RPSA2: variants seen among roughly 807,000 people sequenced by gnomAD.
RPSA2 encodes the protein small ribosomal subunit protein uS2B.
At chr19:23,823,237 G>A in the RPSA2 span, among the ~76,000 whole-genome samples, 5 of 152,030 alleles carry the variant, frequency 3.3e-5, no homozygotes, top group African/African-American at 9.7e-5. Flanking sequence ...GTGGGTTTTG[G>A]TGACTTCCCT....
the RPSA2 span, among the ~76,000 whole-genome samples, chr19:23,760,161 G>C: frequency 2.0e-5 from 3 of 152,154 alleles, no homozygotes; most frequent in East Asian, 5.8e-4. Context: ...GGAAAACCCA[G>C]TCAGAACAAA....
the RPSA2 span, among the ~76,000 whole-genome samples, chr19:23,848,784 G>T: frequency 6.6e-6 from 1 of 152,166 alleles, no homozygotes; most frequent in East Asian, 1.9e-4. Context: ...ATTTTTGATT[G>T]ATGCCTTGTT....
At chr19:23,830,177 A>G in the RPSA2 span, among the ~76,000 whole-genome samples, 1 of 151,848 alleles carries the variant, frequency 6.6e-6, no homozygotes, top group Non-Finnish European at 1.5e-5. Context: ...ACGTCTCTCT[A>G]TCCCCCAGCC....
chr19:23,797,870 A>G, the RPSA2 span, among the ~76,000 whole-genome samples: 1 of 152,274 alleles, frequency 6.6e-6, no homozygotes, highest in Non-Finnish European at 1.5e-5. Flanking sequence ...GAACATGTTT[A>G]GAGACCTAGC....
At chr19:23,822,352 A>C in the RPSA2 span, among the ~76,000 whole-genome samples, 1 of 152,216 alleles carries the variant, frequency 6.6e-6, no homozygotes. Context: ...TCTAGCCAGC[A>C]GAGAGCTGCC....
the RPSA2 span, among the ~76,000 whole-genome samples, chr19:23,773,311 A>G: frequency 6.7e-6 from 1 of 149,658 alleles, no homozygotes; most frequent in South Asian, 2.1e-4. Flanking sequence ...TTTAAGACAG[A>G]GTCTCACTGT....
At chr19:23,816,627 A>G in the RPSA2 span, among the ~76,000 whole-genome samples, 1 of 152,078 alleles carries the variant, frequency 6.6e-6, no homozygotes, top group Non-Finnish European at 1.5e-5. Flanking sequence ...TATCTTTATA[A>G]TCATGTTGTC....
chr19:23,870,701 C>T, the RPSA2 span, among the ~76,000 whole-genome samples: 1 of 152,148 alleles, frequency 6.6e-6, no homozygotes, highest in Non-Finnish European at 1.5e-5. Context: ...GTTTCCTGCT[C>T]ATAGCCTGTA....
At chr19:23,796,519 T>C in the RPSA2 span, among the ~76,000 whole-genome samples, 1 of 152,044 alleles carries the variant, frequency 6.6e-6, no homozygotes, top group Non-Finnish European at 1.5e-5. Context: ...TTTCTTAAAA[T>C]AGTTTCAGTA....
chr19:23,826,183 TTC>T, the RPSA2 span, among the ~76,000 whole-genome samples: 2 of 151,688 alleles, frequency 1.3e-5, no homozygotes, highest in African/African-American at 4.8e-5. Context: ...TTTTAATTTT[TTC>T]TTTTTTTCTT....
the RPSA2 span, among the ~76,000 whole-genome samples, chr19:23,804,695 CA>C: frequency 6.6e-6 from 1 of 152,136 alleles, no homozygotes; most frequent in Non-Finnish European, 1.5e-5. Flanking sequence ...GGACCCTTTC[CA>C]AACCCACAGA....
At chr19:23,807,121 A>G in the RPSA2 span, among the ~76,000 whole-genome samples, 1 of 152,250 alleles carries the variant, frequency 6.6e-6, no homozygotes, top group East Asian at 1.9e-4. Context: ...ATCATTAAGT[A>G]TCTTTATGCA....
At chr19:23,761,921 T>TCTCTCTCTCGCTCTCTCTCTCTCTCTC in the RPSA2 span, among the ~76,000 whole-genome samples, 3 of 76,198 alleles carry the variant, frequency 3.9e-5, no homozygotes, top group East Asian at 3.8e-4. Flanking sequence ...TCTTTCTTTC[T>TCTCTCTCTCGCTCTCTCTCTCTCTCTC]TTTTTTTTTT....
the RPSA2 span, chr19:23,826,953 GT>G: frequency 1.8e-6 from 1 of 561,606 alleles, no homozygotes; most frequent in Non-Finnish European, 3.2e-6. Context: ...GCCTCCCAAA[GT>G]GCTGGGATTA....
the RPSA2 span, among the ~76,000 whole-genome samples, chr19:23,847,459 G>A: frequency 1.1e-3 from 170 of 152,204 alleles, no homozygotes; most frequent in Admixed American, 2.6e-3. Flanking sequence ...TCACATATCG[G>A]TAGGACCATG....
At chr19:23,813,155 G>A in the RPSA2 span, among the ~76,000 whole-genome samples, 1 of 149,520 alleles carries the variant, frequency 6.7e-6, no homozygotes, top group Non-Finnish European at 1.5e-5. Context: ...GGTTACTTGA[G>A]CCTGGGACTG....
chr19:23,830,051 G>T, the RPSA2 span, among the ~76,000 whole-genome samples: 3 of 148,300 alleles, frequency 2.0e-5, no homozygotes, highest in Non-Finnish European at 3.0e-5. Context: ...ACTTTGGAAG[G>T]TTTTTTTTTT....
chr19:23,786,242 CAT>C, the RPSA2 span, among the ~76,000 whole-genome samples: 15 of 152,188 alleles, frequency 9.9e-5, no homozygotes, highest in Non-Finnish European at 2.1e-4. Flanking sequence ...TTAGACCCAA[CAT>C]AGAAAATGTG....
At chr19:23,784,735 T>C in the RPSA2 span, among the ~76,000 whole-genome samples, 1 of 152,326 alleles carries the variant, frequency 6.6e-6, no homozygotes, top group South Asian at 2.1e-4. Context: ...GTTGAGGTTC[T>C]GAATCTCAAA....
Sources: allele counts gnomAD v4.1 joint callset (sites outside exome capture counted in the v4.1 genomes callset), GRCh38; gene constraint gnomAD v4.1.1; transcripts MANE v1.5; gene names NCBI Gene and HGNC (gene_info 2026-07-23, HGNC 2026-07-21).